Variants in HIKESHI observed in about 807,000 individuals in gnomAD.
The protein encoded by HIKESHI is heat shock protein nuclear import factor hikeshi.
Under a neutral mutation model 25.7 loss-of-function variants are expected in HIKESHI, and 13 were observed. That is an observed-to-expected ratio of 0.51 (90% CI 0.33 to 0.80). The LOEUF (loss-of-function observed/expected upper bound fraction) is 0.80, where lower values mean the gene tolerates loss of function less well. HIKESHI is among the 30% of genes least tolerant of loss of function. The pLI, the probability that HIKESHI is intolerant of heterozygous loss-of-function variation, is 0.02. For missense variants in HIKESHI, 174 were observed against 229.5 expected (o/e 0.76, Z 1.56); for synonymous variants, 76 against 78.7 (o/e 0.97, Z 0.18).
intron 3 of HIKESHI, among the ~76,000 whole-genome samples, chr11:86,341,433 T>A (rs190017173): frequency 2.0e-5 from 3 of 152,186 alleles, no homozygotes; most frequent in African/African-American, 7.2e-5. Flanking sequence ...TCATTCAGTT[T>A]ATTTAAACAT....
At chr11:86,308,744 G>A (rs1270525169) in intron 2 of HIKESHI, among the ~76,000 whole-genome samples, 4 of 151,468 alleles carry the variant, frequency 2.6e-5, no homozygotes, top group Non-Finnish European at 4.4e-5. Context: ...AACAGGCCCC[G>A]GTGTGTGATG....
intron 1 of HIKESHI, among the ~76,000 whole-genome samples, chr11:86,305,510 C>T (rs1317168317): frequency 6.6e-6 from 1 of 152,086 alleles, no homozygotes; most frequent in Non-Finnish European, 1.5e-5. Context: ...CCTTAGCCTC[C>T]CGAGTACCTG....
At chr11:86,320,745 C>T (rs533002628) in intron 2 of HIKESHI, among the ~76,000 whole-genome samples, 2 of 152,264 alleles carry the variant, frequency 1.3e-5, no homozygotes, top group South Asian at 4.1e-4. Context: ...GACCTGTTTC[C>T]ACCACCTCTT....
intron 2 of HIKESHI, among the ~76,000 whole-genome samples, chr11:86,319,410 GT>G (rs76747822): frequency 2.0e-5 from 3 of 147,238 alleles, no homozygotes; most frequent in South Asian, 2.2e-4. Flanking sequence ...GCTAATTTGT[GT>G]TTTTTTTTTG....
chr11:86,307,829 C>T (rs1247634843), intron 2 of HIKESHI, among the ~76,000 whole-genome samples: 2 of 108,354 alleles, frequency 1.8e-5, no homozygotes, highest in Non-Finnish European at 3.4e-5. Context: ...GTGTAATATA[C>T]ATTATATAAA....
intron 2 of HIKESHI, among the ~76,000 whole-genome samples, chr11:86,313,727 G>A (rs780382625): frequency 6.6e-6 from 1 of 152,192 alleles, no homozygotes; most frequent in Non-Finnish European, 1.5e-5. Flanking sequence ...ATGGTGAAAA[G>A]TAATAGTGGA....
intron 2 of HIKESHI, among the ~76,000 whole-genome samples, chr11:86,310,280 A>C (rs1946799174): frequency 6.6e-6 from 1 of 150,536 alleles, no homozygotes; most frequent in African/African-American, 2.5e-5. Context: ...GAGATCCTTC[A>C]CATCCCTTGT....
chr11:86,309,390 T>C (rs1052162734), intron 2 of HIKESHI, among the ~76,000 whole-genome samples: 39 of 152,210 alleles, frequency 2.6e-4, no homozygotes, highest in African/African-American at 8.9e-4. Flanking sequence ...TGTGTTCATA[T>C]CCGTTGTCCA....
intron 2 of HIKESHI, among the ~76,000 whole-genome samples, chr11:86,319,236 A>ATT (rs1279354045): frequency 0.041 from 3,399 of 82,490 alleles, 53 homozygotes; most frequent in East Asian, 0.09. Flanking sequence ...ATATATATAT[A>ATT]TATATATTTT....
At chr11:86,326,074 G>C (rs1947275152) in intron 2 of HIKESHI, among the ~76,000 whole-genome samples, 1 of 152,006 alleles carries the variant, frequency 6.6e-6, no homozygotes, top group Non-Finnish European at 1.5e-5. Flanking sequence ...GAGGCGGGCA[G>C]ATCACTTGAG....
At chr11:86,311,818 C>T (rs184230358) in intron 2 of HIKESHI, among the ~76,000 whole-genome samples, 1 of 152,224 alleles carries the variant, frequency 6.6e-6, no homozygotes, top group African/African-American at 2.4e-5. Flanking sequence ...TCATTATGTA[C>T]CCAGTAGTCG....
At chr11:86,324,302 T>C (rs1351298511) in intron 2 of HIKESHI, 1 of 152,226 alleles carries the variant, frequency 6.6e-6, no homozygotes, top group African/African-American at 2.4e-5. Context: ...CACACCAATA[T>C]GTTTGGCCCA....
At chr11:86,316,329 T>C (rs1412067845) in intron 2 of HIKESHI, among the ~76,000 whole-genome samples, 4 of 151,184 alleles carry the variant, frequency 2.6e-5, no homozygotes, top group African/African-American at 4.9e-5. Flanking sequence ...CTGGCCAACA[T>C]TGTAAAACCC....
chr11:86,313,767 A>G (rs547948150), intron 2 of HIKESHI, among the ~76,000 whole-genome samples: 1 of 152,314 alleles, frequency 6.6e-6, no homozygotes, highest in African/African-American at 2.4e-5. Flanking sequence ...GGGAGAATAG[A>G]AAAGGTAGCA....
intron 2 of HIKESHI, among the ~76,000 whole-genome samples, chr11:86,327,736 A>G (rs1947320018): frequency 6.6e-6 from 1 of 152,252 alleles, no homozygotes; most frequent in African/African-American, 2.4e-5. Context: ...TTATATGGCA[A>G]TACTGTACTT....
At chr11:86,322,059 C>G (rs765836170) in intron 2 of HIKESHI, among the ~76,000 whole-genome samples, 1 of 152,206 alleles carries the variant, frequency 6.6e-6, no homozygotes, top group South Asian at 2.1e-4. Context: ...GCCATCCCAG[C>G]TCACTGCAAC....
intron 2 of HIKESHI, among the ~76,000 whole-genome samples, chr11:86,319,954 A>T (rs291215): frequency 0.73 from 110,974 of 151,968 alleles, 41,036 homozygotes; most frequent in African/African-American, 0.84. Context: ...ATTTTTTTTA[A>T]TATCTGTAAA....
intron 2 of HIKESHI, among the ~76,000 whole-genome samples, chr11:86,328,437 T>G (rs1279926215): frequency 1.3e-5 from 2 of 150,608 alleles, no homozygotes; most frequent in Non-Finnish European, 3.0e-5. Context: ...GTTTTTTGTT[T>G]TTTTTTTTTT....
At chr11:86,341,134 C>T (rs1410208942) in intron 3 of HIKESHI, among the ~76,000 whole-genome samples, 1 of 152,068 alleles carries the variant, frequency 6.6e-6, no homozygotes, top group Non-Finnish European at 1.5e-5. Context: ...TAGATGTTTT[C>T]TATTTATTTG....
Sources: gnomAD v4.1 joint callset for allele counts (sites outside exome capture counted in the v4.1 genomes callset) on GRCh38, gnomAD v4.1.1 for gene constraint, MANE v1.5 for transcripts, NCBI Gene and HGNC (gene_info 2026-07-23, HGNC 2026-07-21) for gene names.